The following ABCG2 variants were observed in gnomAD, a reference collection of about 807,000 sequenced individuals.
ABCG2 encodes ATP binding cassette subfamily G member 2 (JR blood group), also known as broad substrate specificity ATP-binding cassette transporter ABCG2.
Under a neutral mutation model 73.5 loss-of-function variants are expected in ABCG2, and 80 were observed. That is an observed-to-expected ratio of 1.09 (90% CI 0.91 to 1.31). The LOEUF (loss-of-function observed/expected upper bound fraction) is 1.31, where lower values mean the gene tolerates loss of function less well. ABCG2 is among the 50% of genes most tolerant of loss of function. ABCG2 has a pLI of 0.00. For missense variants in ABCG2, 796 were observed against 786.2 expected (o/e 1.01, Z -0.15); for synonymous variants, 269 against 282.4 (o/e 0.95, Z 0.48).
chr4:88,113,394 C>T lies in ABCG2; in HGVS notation c.1103G>A (p.Ser368Asn). ...TTGATGACAGAAGGAGGTGGTGTAG[C>T]TGATCTCCTTGAAGACTGTGATCTT... The part of the protein sequence containing the change: ...KKKITVFKEI[S>N]YTTSFCHQLR... Residue 368 changes from serine to asparagine, a missense_variant, in exon 9 of 16, where the codon AGC (serine) becomes AAC (asparagine). Coordinates refer to ENST00000237612, the MANE Select transcript of ABCG2 (RefSeq NM_004827.3). 1 of 1,614,158 alleles carries T rather than the reference C, an allele frequency of 6.2e-7. No individual in the cohort carries two copies. Among genetic ancestry groups the T allele is most frequent in the African/African-American group, 1.3e-5 (1 of 75,042 alleles).
intron 1 of ABCG2, among the ~76,000 whole-genome samples, chr4:88,211,685 G>A (rs1300662208): frequency 6.6e-6 from 1 of 152,136 alleles, no homozygotes; most frequent in African/African-American, 2.4e-5. Context: ...CTGAAGTGCT[G>A]GGATTACAGG....
chr4:88,145,837 C>CGCTGA (rs10632140), intron 1 of ABCG2, among the ~76,000 whole-genome samples: 72,259 of 151,424 alleles, frequency 0.48, 17,925 homozygotes, highest in East Asian at 0.67. Context: ...CTACTCGGGA[C>CGCTGA]GGCAGGAGAA....
intron 15 of ABCG2, among the ~76,000 whole-genome samples, chr4:88,093,420 C>T (rs1721773075): frequency 2.0e-5 from 3 of 147,668 alleles, no homozygotes; most frequent in African/African-American, 7.5e-5. Context: ...AGGAGAATGG[C>T]GTCAACCCGG....
At chr4:88,101,487 C>T (rs1360387536) in intron 10 of ABCG2, among the ~76,000 whole-genome samples, 168 bp from the exon 11 acceptor site, 1 of 152,138 alleles carries the variant, frequency 6.6e-6, no homozygotes, top group African/African-American at 2.4e-5. Flanking sequence ...AAGCCTCTCC[C>T]CATCTCTTAT....
intron 1 of ABCG2, among the ~76,000 whole-genome samples, chr4:88,170,629 C>G (rs1727721558): frequency 6.6e-6 from 1 of 152,236 alleles, no homozygotes; most frequent in Admixed American, 6.5e-5. Flanking sequence ...AGCCCCTCTT[C>G]TGAAACCCCT....
intron 1 of ABCG2, among the ~76,000 whole-genome samples, chr4:88,214,136 T>C (rs13127017): frequency 0.41 from 61,494 of 151,298 alleles, 13,390 homozygotes; most frequent in African/African-American, 0.58. Flanking sequence ...TACAGGCGCA[T>C]ACAACCATGC....
chr4:88,123,679 C>A (rs1309036381), intron 5 of ABCG2, among the ~76,000 whole-genome samples: 1 of 151,950 alleles, frequency 6.6e-6, no homozygotes, highest in Non-Finnish European at 1.5e-5. Flanking sequence ...AAGGACAAAA[C>A]CTACGTTTTA....
intron 1 of ABCG2, among the ~76,000 whole-genome samples, chr4:88,166,060 G>T (rs553679857): frequency 6.6e-6 from 1 of 152,142 alleles, no homozygotes; most frequent in African/African-American, 2.4e-5. Flanking sequence ...CTAATGGAGG[G>T]ACCCACTGGC....
intron 1 of ABCG2, among the ~76,000 whole-genome samples, chr4:88,204,203 C>A (rs1409757193): frequency 1.3e-5 from 2 of 152,086 alleles, no homozygotes; most frequent in Non-Finnish European, 2.9e-5. Context: ...GGGCAGATCA[C>A]GGGGTCAAAA....
chr4:88,097,718 T>C (rs1722083783), intron 12 of ABCG2, 111 bp from the exon 13 acceptor site: 4 of 1,236,958 alleles, frequency 3.2e-6, no homozygotes, highest in Non-Finnish European at 4.4e-6. Context: ...AATATTAGAA[T>C]GAAAAAAAGT....
At chr4:88,118,855 AAT>A (rs1361854776) in intron 6 of ABCG2, among the ~76,000 whole-genome samples, 1 of 152,130 alleles carries the variant, frequency 6.6e-6, no homozygotes, top group East Asian at 1.9e-4. Flanking sequence ...TCATTTTATA[AAT>A]ATGTCTTAAA....
intron 1 of ABCG2, among the ~76,000 whole-genome samples, chr4:88,155,111 G>C (rs762464396): frequency 1.3e-5 from 2 of 152,164 alleles, no homozygotes; most frequent in Admixed American, 6.5e-5. Context: ...TGAAGGAATG[G>C]AAAGAGGAGT....
chr4:88,168,865 T>TAAA (rs35255884), intron 1 of ABCG2, among the ~76,000 whole-genome samples: 47 of 146,658 alleles, frequency 3.2e-4, no homozygotes, highest in Admixed American at 4.8e-4. Flanking sequence ...TCACTCAGAT[T>TAAA]AAAAAAAAAA....
At chr4:88,094,501 G>T in intron 15 of ABCG2, 76 bp downstream of exon 15, 2 of 1,310,232 alleles carry the variant, frequency 1.5e-6, no homozygotes, top group Non-Finnish European at 2.2e-6. Flanking sequence ...GACTCATACA[G>T]ATCTAAGCCC....
At chr4:88,207,387 A>C (rs1729419283) in intron 1 of ABCG2, among the ~76,000 whole-genome samples, 1 of 152,158 alleles carries the variant, frequency 6.6e-6, no homozygotes, top group Admixed American at 6.5e-5. Context: ...ACGTGGCATA[A>C]ACAGGTCTAC....
At chr4:88,168,401 C>T (rs949044288) in intron 1 of ABCG2, among the ~76,000 whole-genome samples, 4 of 151,780 alleles carry the variant, frequency 2.6e-5, no homozygotes, top group Non-Finnish European at 4.4e-5. Flanking sequence ...GCAGGAGAAT[C>T]GCTTGAACCC....
intron 1 of ABCG2, among the ~76,000 whole-genome samples, chr4:88,146,394 T>A (rs906417453): frequency 2.7e-5 from 4 of 146,252 alleles, no homozygotes; most frequent in African/African-American, 1.0e-4. Flanking sequence ...TGACTGAGGC[T>A]TTTTTTTTTC....
intron 1 of ABCG2, among the ~76,000 whole-genome samples, chr4:88,172,881 G>A (rs1445539329): frequency 1.3e-5 from 2 of 152,120 alleles, no homozygotes; most frequent in African/African-American, 2.4e-5. Context: ...TCAGGGCTTT[G>A]TTCCCTGTCT....
intron 1 of ABCG2, among the ~76,000 whole-genome samples, chr4:88,179,137 G>C (rs183997620): frequency 0.067 from 10,133 of 152,228 alleles, 497 homozygotes; most frequent in East Asian, 0.18. Context: ...CAGTCCCTGT[G>C]TTGGTGGCCA....
Sources: gnomAD v4.1 joint callset for allele counts (sites outside exome capture counted in the v4.1 genomes callset) on GRCh38, gnomAD v4.1.1 for gene constraint, MANE v1.5 for transcripts, NCBI Gene and HGNC (gene_info 2026-07-23, HGNC 2026-07-21) for gene names.